Variants in WDPCP observed in about 807,000 individuals in gnomAD.
WDPCP encodes WD repeat-containing and planar cell polarity effector protein fritz homolog.
In WDPCP, 71 loss-of-function variants were observed where a neutral mutation model predicts 93.1. That is an observed-to-expected ratio of 0.76 (90% confidence interval 0.63 to 0.93). The LOEUF (loss-of-function observed/expected upper bound fraction) is 0.93, where lower values mean the gene tolerates loss of function less well. WDPCP is among the 40% of genes least tolerant of loss of function. The pLI is 0.00. For missense variants in WDPCP, 844 were observed against 887.4 expected (o/e 0.95, Z 0.62); for synonymous variants, 315 against 315.0 (o/e 1.00, Z 0.00).
At chr2:63,206,382 C>T (rs1266035957) in intron 14 of WDPCP, among the ~76,000 whole-genome samples, 1 of 152,130 alleles carries the variant, frequency 6.6e-6, no homozygotes, top group Non-Finnish European at 1.5e-5. Flanking sequence ...TCCTTTTTCT[C>T]TCCCAGTGTC....
intron 6 of WDPCP, among the ~76,000 whole-genome samples, chr2:63,478,145 C>A (rs1575493769): frequency 6.6e-6 from 1 of 151,994 alleles, no homozygotes; most frequent in South Asian, 2.1e-4. Context: ...ATATCACAAT[C>A]CTAAACATAT....
rs952990820 is a variant in WDPCP at position 63,672,809 on chromosome 2, G to A, written n.309-21971C>T. Among the ~76,000 whole-genome samples, 4 of 151,720 alleles carry A rather than the reference G, an allele frequency of 2.6e-5. No individual in the cohort carries two copies. The East Asian group carries it at 5.8e-4, about 22-fold the overall frequency. The stretch of plus-strand genomic sequence containing the variant: ...CTGTTGTCCAGGCTGGAGGGCAGTA[G>A]CATGATCCTGGCTCACTGAAGCCTT... On this transcript the variant is annotated intron_variant and non_coding_transcript_variant, in intron 2 of 4. Coordinates refer to the WDPCP transcript ENST00000467687.
chr2:63,268,374 C>A (rs185380325), intron 13 of WDPCP, among the ~76,000 whole-genome samples: 7 of 151,866 alleles, frequency 4.6e-5, no homozygotes, highest in Non-Finnish European at 8.8e-5. Flanking sequence ...TCAGTTAGAC[C>A]GTAGGAATAA....
chr2:63,516,601 A>G (rs1702566994), intron 1 of WDPCP, among the ~76,000 whole-genome samples: 1 of 150,268 alleles, frequency 6.7e-6, no homozygotes, highest in East Asian at 2.0e-4. Context: ...ACTCTTGCCA[A>G]TGACCAGCAC....
intron 14 of WDPCP, among the ~76,000 whole-genome samples, chr2:63,249,112 G>A (rs1049895603): frequency 3.3e-5 from 5 of 152,070 alleles, no homozygotes; most frequent in South Asian, 2.1e-4. Context: ...GTGTGTGTGT[G>A]TGAAACTGGG....
chr2:63,756,187 C>G (rs1221573376), intron 2 of WDPCP, among the ~76,000 whole-genome samples: 1 of 152,194 alleles, frequency 6.6e-6, no homozygotes, highest in Non-Finnish European at 1.5e-5. Flanking sequence ...CATTTAACAA[C>G]TCAGAACTAG....
intron 3 of WDPCP, among the ~76,000 whole-genome samples, chr2:63,616,636 T>C (rs1709675656): frequency 6.6e-6 from 1 of 152,222 alleles, no homozygotes; most frequent in Admixed American, 6.5e-5. Flanking sequence ...ACAACTTTGC[T>C]TATGTGGAAA....
intron 2 of WDPCP, among the ~76,000 whole-genome samples, chr2:63,697,756 T>G (rs1262798439): frequency 1.3e-5 from 2 of 151,594 alleles, no homozygotes; most frequent in Non-Finnish European, 2.9e-5. Context: ...GAGGTGATTC[T>G]CCCACCTCAG....
chr2:63,467,901 A>G (rs1453660124), intron 6 of WDPCP, among the ~76,000 whole-genome samples: 1 of 152,170 alleles, frequency 6.6e-6, no homozygotes, highest in Non-Finnish European at 1.5e-5. Context: ...ACAAACATAC[A>G]CACATCCTTT....
At chr2:63,374,422 G>A (rs749592466) in intron 12 of WDPCP, among the ~76,000 whole-genome samples, 3 of 152,052 alleles carry the variant, frequency 2.0e-5, no homozygotes, top group Non-Finnish European at 4.4e-5. Flanking sequence ...ATCTGACCAG[G>A]AGATTTTCTC....
At chr2:63,795,941 T>G (rs902649853) in intron 2 of WDPCP, among the ~76,000 whole-genome samples, 3 of 152,242 alleles carry the variant, frequency 2.0e-5, no homozygotes, top group Non-Finnish European at 4.4e-5. Flanking sequence ...CAGGAGAGAT[T>G]GGTCTCTCCA....
chr2:63,239,341 G>T (rs1679679686), intron 14 of WDPCP, among the ~76,000 whole-genome samples: 1 of 152,098 alleles, frequency 6.6e-6, no homozygotes, highest in Non-Finnish European at 1.5e-5. Flanking sequence ...TAAGCCTTTG[G>T]AAACTAAGTG....
intron 10 of WDPCP, among the ~76,000 whole-genome samples, chr2:63,391,777 CAT>C: frequency 6.6e-6 from 1 of 152,078 alleles, no homozygotes; most frequent in Non-Finnish European, 1.5e-5. Context: ...AGTGACCTCC[CAT>C]TCAAAACTGC....
chr2:63,513,998 C>G (rs1702402377), intron 1 of WDPCP, among the ~76,000 whole-genome samples: 2 of 152,048 alleles, frequency 1.3e-5, no homozygotes, highest in African/African-American at 4.8e-5. Context: ...GGAAAAGTAT[C>G]ACCCCTTGCT....
chr2:63,537,989 C>G (rs988762146), intron 1 of WDPCP, among the ~76,000 whole-genome samples: 70 of 152,234 alleles, frequency 4.6e-4, no homozygotes, highest in African/African-American at 1.6e-3. Flanking sequence ...ATAAGTCCCG[C>G]ATGGCAAAAT....
intron 3 of WDPCP, among the ~76,000 whole-genome samples, chr2:63,616,484 C>T (rs1170170025): frequency 1.3e-5 from 2 of 152,180 alleles, no homozygotes; most frequent in Admixed American, 6.5e-5. Flanking sequence ...TTCTTTTTAA[C>T]ATGCAAAAGT....
intron 14 of WDPCP, among the ~76,000 whole-genome samples, chr2:63,247,839 GTTACTCA>G (rs1388174675): frequency 1.3e-5 from 2 of 151,510 alleles, no homozygotes; most frequent in Non-Finnish European, 2.9e-5. Flanking sequence ...TAGGCTTTTT[GTTACTCA>G]TTTCCTCCAT....
chr2:63,469,226 G>A (rs1159063192), intron 6 of WDPCP, among the ~76,000 whole-genome samples: 3 of 152,210 alleles, frequency 2.0e-5, no homozygotes, highest in Non-Finnish European at 4.4e-5. Flanking sequence ...CAGAGAAAAG[G>A]AATGCTTATA....
chr2:63,374,745 T>C (rs915466153), intron 12 of WDPCP, among the ~76,000 whole-genome samples: 1 of 152,172 alleles, frequency 6.6e-6, no homozygotes, highest in Admixed American at 6.6e-5. Flanking sequence ...TGTAAAAATT[T>C]CCAACATAGA....
Sources: gnomAD v4.1 joint callset for allele counts (sites outside exome capture counted in the v4.1 genomes callset) on GRCh38, gnomAD v4.1.1 for gene constraint, MANE v1.5 for transcripts, NCBI Gene and HGNC (gene_info 2026-07-23, HGNC 2026-07-21) for gene names.